ITFG1: variants seen among roughly 807,000 people sequenced by gnomAD.
The protein encoded by ITFG1 is integrin alpha FG-GAP repeat containing 1.
Under a neutral mutation model 81.8 loss-of-function variants are expected in ITFG1, and 34 were observed. The ratio of observed to expected loss-of-function variants is 0.42; its 90% CI spans 0.32 to 0.55. The LOEUF is 0.55. ITFG1 is among the 20% of genes least tolerant of loss of function. ITFG1 has a pLI of 0.17. For synonymous variants in ITFG1, 285 were observed against 270.6 expected (o/e 1.05, Z -0.52); for missense variants, 672 against 755.4 (o/e 0.89, Z 1.29).
At chr16:47,275,610 A>G (rs1231557693) in intron 10 of ITFG1, among the ~76,000 whole-genome samples, 1 of 152,152 alleles carries the variant, frequency 6.6e-6, no homozygotes, top group Non-Finnish European at 1.5e-5. Flanking sequence ...TAAAAAGGCT[A>G]GAGAATTGTG....
chr16:47,368,110 T>C (rs1968200755), intron 7 of ITFG1, among the ~76,000 whole-genome samples: 1 of 151,866 alleles, frequency 6.6e-6, no homozygotes. Flanking sequence ...GGCGGGTGCC[T>C]GTAGTCCCAG....
At chr16:47,184,701 T>C (rs941055649) in intron 14 of ITFG1, among the ~76,000 whole-genome samples, 17 of 150,652 alleles carry the variant, frequency 1.1e-4, no homozygotes, top group African/African-American at 4.1e-4. Flanking sequence ...CCATCGAGAC[T>C]AGGAAGAAAC....
At chr16:47,367,070 C>G (rs894828139) in intron 7 of ITFG1, among the ~76,000 whole-genome samples, 8 of 152,186 alleles carry the variant, frequency 5.3e-5, no homozygotes, top group African/African-American at 1.4e-4. Flanking sequence ...CACACCACCC[C>G]CTCTTTGGAT....
In ITFG1 at chr16:47,167,226, G is replaced by A. The variant is rs117641093; in HGVS notation, c.1454-4562C>T. On this transcript the variant is annotated intron_variant, in intron 14 of 17. Transcript: ENST00000320640. ...CTTTCACTTAGCATAATGTTTTCAA[G>A]GGTCATATAAGTTATAGTAAGTATC... Among the ~76,000 whole-genome samples, 1,008 of 152,186 alleles carry A rather than the reference G, an allele frequency of 6.6e-3. 6 individuals carry two copies. Among genetic ancestry groups the A allele is most frequent in the Non-Finnish European group, 0.011 (750 of 68,010 alleles).
At chr16:47,373,301 AGAT>A (rs1567478111) in intron 7 of ITFG1, among the ~76,000 whole-genome samples, 61 of 151,298 alleles carry the variant, frequency 4.0e-4, no homozygotes, top group African/African-American at 1.5e-3. Flanking sequence ...TTTCCTTTTG[AGAT>A]GGAGTTTTGC....
At chr16:47,208,758 G>A (rs1230912466) in intron 14 of ITFG1, among the ~76,000 whole-genome samples, 2 of 152,228 alleles carry the variant, frequency 1.3e-5, no homozygotes, top group East Asian at 1.9e-4. Flanking sequence ...ACATAAGTGG[G>A]ATACCGTTAG....
At chr16:47,256,329 C>T (rs745944286) in intron 12 of ITFG1, among the ~76,000 whole-genome samples, 12 of 152,186 alleles carry the variant, frequency 7.9e-5, no homozygotes, top group Non-Finnish European at 1.5e-4. Flanking sequence ...AGTTAAATGA[C>T]TGTCCTGGAT....
At chr16:47,278,107 T>A (rs112832225) in intron 10 of ITFG1, among the ~76,000 whole-genome samples, 7 of 152,224 alleles carry the variant, frequency 4.6e-5, no homozygotes. Flanking sequence ...TAAGTTTATA[T>A]CTGTTCATTG....
At chr16:47,348,109 GA>G (rs1170874346) in intron 8 of ITFG1, among the ~76,000 whole-genome samples, 1 of 152,108 alleles carries the variant, frequency 6.6e-6, no homozygotes, top group African/African-American at 2.4e-5. Flanking sequence ...CAAAGATGGG[GA>G]AAAAACAGAA....
intron 14 of ITFG1, among the ~76,000 whole-genome samples, chr16:47,171,901 C>T (rs948394081): frequency 6.6e-6 from 1 of 152,022 alleles, no homozygotes; most frequent in Non-Finnish European, 1.5e-5. Flanking sequence ...TCATTAATGT[C>T]TTTATTTGCA....
At chr16:47,446,628 C>G (rs1256601843) in intron 5 of ITFG1, among the ~76,000 whole-genome samples, 1 of 152,114 alleles carries the variant, frequency 6.6e-6, no homozygotes, top group Non-Finnish European at 1.5e-5. Flanking sequence ...GAAACTCACT[C>G]AGGAGCTAGA....
intron 12 of ITFG1, among the ~76,000 whole-genome samples, chr16:47,254,411 T>A (rs894291411): frequency 3.3e-5 from 5 of 151,990 alleles, no homozygotes; most frequent in Non-Finnish European, 7.4e-5. Context: ...TTATTACAAC[T>A]GGGAATTGGA....
intron 12 of ITFG1, among the ~76,000 whole-genome samples, chr16:47,239,282 C>A (rs551336924): frequency 6.6e-6 from 1 of 151,992 alleles, no homozygotes; most frequent in Non-Finnish European, 1.5e-5. Context: ...CTCACTGCAA[C>A]CTCCACCTCC....
chr16:47,227,649 T>A (rs888932557), intron 13 of ITFG1, among the ~76,000 whole-genome samples: 2 of 152,174 alleles, frequency 1.3e-5, no homozygotes, highest in Non-Finnish European at 2.9e-5. Context: ...TATATTAGTG[T>A]CAATTATTTG....
intron 10 of ITFG1, among the ~76,000 whole-genome samples, chr16:47,298,403 T>G (rs909945039): frequency 6.6e-6 from 1 of 152,212 alleles, no homozygotes; most frequent in Non-Finnish European, 1.5e-5. Context: ...TTCAGCATTA[T>G]TACACTGATT....
intron 17 of ITFG1, among the ~76,000 whole-genome samples, chr16:47,156,473 T>C (rs1454204432): frequency 6.6e-6 from 1 of 152,158 alleles, no homozygotes; most frequent in East Asian, 1.9e-4. Context: ...TAGCAGATAT[T>C]CATTGGCCCT....
At chr16:47,247,330 G>T (rs1453416764) in intron 12 of ITFG1, among the ~76,000 whole-genome samples, 1 of 152,106 alleles carries the variant, frequency 6.6e-6, no homozygotes, top group Non-Finnish European at 1.5e-5. Flanking sequence ...CTTCATGAAA[G>T]GCAGAACTGA....
intron 14 of ITFG1, among the ~76,000 whole-genome samples, chr16:47,209,441 C>T (rs898456272): frequency 1.3e-5 from 2 of 152,148 alleles, no homozygotes; most frequent in East Asian, 3.8e-4. Context: ...GTTACAGATA[C>T]TATTTTTACC....
rs574649877 is a variant in ITFG1, at chr16:47,388,053, A to G, written c.656-12113T>C. Reference sequence around the variant, plus strand: ...GGAAATTATGGAACTGAAAGTAAATATACTGAAATAAAAAATTCACTTGAG... The same window carrying G: ...GGAAATTATGGAACTGAAAGTAAATGTACTGAAATAAAAAATTCACTTGAG... On this transcript the variant is annotated intron_variant, in intron 6 of 17. Coordinates refer to ENST00000320640, the MANE Select transcript of ITFG1 (RefSeq NM_030790.5). Among the ~76,000 whole-genome samples the G allele has an allele frequency of 5.9e-5, 9 of 152,320 alleles. No individual in the cohort carries two copies. In the South Asian group the frequency reaches 1.9e-3, roughly 32 times the overall value.
Sources: allele counts gnomAD v4.1 joint callset (sites outside exome capture counted in the v4.1 genomes callset), GRCh38; gene constraint gnomAD v4.1.1; transcripts MANE v1.5; gene names NCBI Gene and HGNC (gene_info 2026-07-23, HGNC 2026-07-21).